Variants in ARID1B observed in about 807,000 individuals in gnomAD.
ARID1B encodes AT-rich interactive domain-containing protein 1B.
ARID1B carries 30 observed loss-of-function variants against 212.3 expected under a neutral mutation model. That is an observed-to-expected ratio of 0.14 (90% CI 0.11 to 0.19). The LOEUF is 0.19. Among genes scored for constraint, ARID1B ranks in the 10% least tolerant of loss-of-function variants. The probability of loss-of-function intolerance (pLI) is 1.00; values close to 1 mark genes in which losing one functional copy is unlikely to be tolerated. For synonymous variants in ARID1B, 1,402 were observed against 1,301.7 expected, an observed-to-expected ratio of 1.08 and a Z score of -1.66; for missense variants, 2,891 against 3,204.0, an observed-to-expected ratio of 0.90 and a Z score of 2.36.
At chr6:157,035,883 T>G (rs1357080296) in intron 4 of ARID1B, among the ~76,000 whole-genome samples, 1 of 152,224 alleles carries the variant, frequency 6.6e-6, no homozygotes, top group African/African-American at 2.4e-5. Flanking sequence ...GTCATGGCCT[T>G]CCTTTCTATA....
intron 4 of ARID1B, among the ~76,000 whole-genome samples, chr6:156,946,516 G>T (rs961679659): frequency 6.6e-6 from 1 of 152,102 alleles, no homozygotes; most frequent in Non-Finnish European, 1.5e-5. Flanking sequence ...ATAGTATTTC[G>T]AAAGTCTAGA....
intron 4 of ARID1B, among the ~76,000 whole-genome samples, chr6:156,985,881 C>T (rs1020982765): frequency 5.3e-5 from 8 of 152,168 alleles, no homozygotes; most frequent in Non-Finnish European, 1.0e-4. Context: ...ATCAGGACAA[C>T]GCCTGCTTCT....
intron 4 of ARID1B, chr6:157,022,445 T>C (rs1313558151): frequency 3.9e-5 from 6 of 152,250 alleles, no homozygotes; most frequent in Non-Finnish European, 8.8e-5. Context: ...TGAAGAGTCT[T>C]GTCGGGATAT....
chr6:156,785,416 G>A (rs151076879), intron 1 of ARID1B, among the ~76,000 whole-genome samples: 2 of 152,310 alleles, frequency 1.3e-5, no homozygotes, highest in East Asian at 3.9e-4. Context: ...TCCTTATCAG[G>A]TGACTCTGGA....
chr6:156,886,678 A>G (rs1787532782), intron 2 of ARID1B, among the ~76,000 whole-genome samples: 1 of 152,218 alleles, frequency 6.6e-6, no homozygotes, highest in African/African-American at 2.4e-5. Flanking sequence ...CCTTGACCGT[A>G]ACAAGGACAG....
Position 156,956,204 on chromosome 6 carries a change from C to T in ARID1B, c.2247+20628C>T, listed in dbSNP as rs537789360. On this transcript the variant is annotated intron_variant, in intron 4 of 19. Transcript: ENST00000636930. ...GGCAAGTGGGCCACTCAGAAAAAGA[C>T]ATTCTTTTTTGAATGAGTCCCAGGT... 3.3e-5 allele frequency among the ~76,000 whole-genome samples: 5 copies of T among 152,218 alleles called. No homozygotes were observed. The South Asian group carries it at 1.0e-3, about 32-fold the overall frequency.
At chr6:156,799,018 A>C (rs1046195065) in intron 1 of ARID1B, among the ~76,000 whole-genome samples, 3 of 152,174 alleles carry the variant, frequency 2.0e-5, no homozygotes, top group Non-Finnish European at 4.4e-5. Flanking sequence ...TTCCTACCAT[A>C]TATTTATAAA....
At chr6:156,839,072 G>A (rs1026016103) in intron 2 of ARID1B, among the ~76,000 whole-genome samples, 2 of 152,136 alleles carry the variant, frequency 1.3e-5, no homozygotes, top group African/African-American at 4.8e-5. Flanking sequence ...TGTGGGTCCT[G>A]TGCCATTCGT....
intron 9 of ARID1B, chr6:157,169,292 C>T (rs1791550495): frequency 6.6e-6 from 1 of 152,244 alleles, no homozygotes; most frequent in African/African-American, 2.4e-5. Context: ...TTCTGAACCT[C>T]AGCAGCCAGT....
chr6:156,979,377 A>G (rs1777466103), intron 4 of ARID1B, among the ~76,000 whole-genome samples: 1 of 152,158 alleles, frequency 6.6e-6, no homozygotes, highest in Non-Finnish European at 1.5e-5. Context: ...ATATCCTGCC[A>G]TGGGGAGAAA....
intron 4 of ARID1B, among the ~76,000 whole-genome samples, chr6:157,056,491 G>T (rs900510409): frequency 6.6e-6 from 1 of 152,208 alleles, no homozygotes; most frequent in Non-Finnish European, 1.5e-5. Flanking sequence ...TCTTACTACA[G>T]GCTCTTACTG....
chr6:156,941,571 C>T (rs1046883978), intron 4 of ARID1B: 1 of 152,118 alleles, frequency 6.6e-6, no homozygotes, highest in African/African-American at 2.4e-5. Flanking sequence ...TGTTTATTTT[C>T]CAAAATGGAT....
rs549279773 is a variant in ARID1B at position 156,896,820 on chromosome 6, AGT to A, written c.1987-4554_1987-4553del. ...CTTGAACCTGGGAGGCGGAGGTTGC[AGT>A]GAGCTGAGATCGTGCCACTGCACTC... On this transcript the variant is annotated intron_variant, in intron 2 of 19. Coordinates refer to ENST00000636930, the MANE Select transcript of ARID1B (RefSeq NM_001374828.1). 2.2e-3 allele frequency among the ~76,000 whole-genome samples: 338 copies of A among 152,288 alleles called. 2 individuals are homozygous for A. The highest frequency in any genetic ancestry group is 7.9e-3 in the African/African-American group (328 of 41,564).
At chr6:156,894,267 C>CAGGGGTTGGGATGGGGGCCG (rs1788196832) in intron 2 of ARID1B, among the ~76,000 whole-genome samples, 2 of 26,864 alleles carry the variant, frequency 7.4e-5, no homozygotes, top group Non-Finnish European at 1.3e-4. Context: ...TGGTGCTTGC[C>CAGGGGTTGGGATGGGGGCCG]GGGGGTTGGG....
At chr6:157,123,212 CTT>C (rs1351262769) in intron 6 of ARID1B, among the ~76,000 whole-genome samples, 2 of 143,182 alleles carry the variant, frequency 1.4e-5, no homozygotes. Context: ...CTCTCTCAAT[CTT>C]TCTTTCTCTC....
At chr6:157,026,756 T>C (rs1780692638) in intron 4 of ARID1B, among the ~76,000 whole-genome samples, 1 of 152,190 alleles carries the variant, frequency 6.6e-6, no homozygotes, top group South Asian at 2.1e-4. Context: ...GCTCGAGCAA[T>C]TGTCCTACCT....
rs557552018 is a variant in ARID1B at position 156,817,465 on chromosome 6, A to G, written c.1792-11762A>G. Among the ~76,000 whole-genome samples the G allele has an allele frequency of 3.3e-5, 5 of 152,062 alleles. No homozygotes were observed. In the South Asian group the frequency reaches 1.0e-3, roughly 32 times the overall value. ...AGTCTAGGCAACATAGCAAGACCCCATCTCTATAAAAAAAATTAGCCAGGT... is the reference window on the plus strand; with the variant it reads ...AGTCTAGGCAACATAGCAAGACCCCGTCTCTATAAAAAAAATTAGCCAGGT... On this transcript the variant is annotated intron_variant, in intron 1 of 19. Transcript: ENST00000636930.
Position 156,945,799 on chromosome 6 carries a change from G to A in ARID1B, c.2247+10223G>A, listed in dbSNP as rs936294071. ...TGAGTGGGCAGATTTCTTGAGCCTA[G>A]GAGCTTGAGACCGGCCTGGCCAACA... On this transcript the variant is annotated intron_variant, in intron 4 of 19. Transcript: ENST00000636930. 2.0e-5 allele frequency among the ~76,000 whole-genome samples: 3 copies of A among 152,174 alleles called. No individual in the cohort carries two copies. In the South Asian group the frequency reaches 6.2e-4, roughly 32 times the overall value.
chr6:156,825,054 A>G (rs1369184708), intron 1 of ARID1B, among the ~76,000 whole-genome samples: 1 of 152,098 alleles, frequency 6.6e-6, no homozygotes, highest in African/African-American at 2.4e-5. Context: ...TAGTGGAGAC[A>G]GGATTTCACC....
Sources: allele counts gnomAD v4.1 joint callset (sites outside exome capture counted in the v4.1 genomes callset), GRCh38; gene constraint gnomAD v4.1.1; transcripts MANE v1.5; gene names NCBI Gene and HGNC (gene_info 2026-07-23, HGNC 2026-07-21).